DSCAM: variants seen among roughly 807,000 people sequenced by gnomAD.
DSCAM encodes the protein DS cell adhesion molecule.
In DSCAM, 47 loss-of-function variants were observed where a neutral mutation model predicts 217.7. That is an observed-to-expected ratio of 0.22 (90% CI 0.17 to 0.28). DSCAM has a LOEUF of 0.28. Ranked by LOEUF, DSCAM falls within the 10% of genes least tolerant of loss-of-function variation. DSCAM has a pLI of 1.00. For synonymous variants in DSCAM, 1,056 were observed against 1,015.3 expected (o/e 1.04, Z -0.76); for missense variants, 2,080 against 2,618.3 (o/e 0.79, Z 4.49).
At chr21:40,636,102 T>C (rs902853003) in intron 3 of DSCAM, among the ~76,000 whole-genome samples, 13 of 152,298 alleles carry the variant, frequency 8.5e-5, no homozygotes, top group African/African-American at 2.9e-4. Context: ...ATTATGCAAA[T>C]GCTCATTTCA....
At chr21:40,827,200 G>C (rs182306125) in intron 1 of DSCAM, among the ~76,000 whole-genome samples, 2 of 152,296 alleles carry the variant, frequency 1.3e-5, no homozygotes, top group East Asian at 3.9e-4. Flanking sequence ...GTGATCTGTT[G>C]TGTCACAGCT....
intron 1 of DSCAM, among the ~76,000 whole-genome samples, chr21:40,819,803 G>A (rs1227450603): frequency 6.6e-6 from 1 of 152,140 alleles, no homozygotes; most frequent in African/African-American, 2.4e-5. Flanking sequence ...CCTCATTAAA[G>A]AAGTCAATTT....
At chr21:40,554,743 A>C (rs2076657769) in intron 3 of DSCAM, among the ~76,000 whole-genome samples, 2 of 152,196 alleles carry the variant, frequency 1.3e-5, no homozygotes, top group Admixed American at 6.6e-5. Context: ...CTATATGTAA[A>C]ATATAAAATG....
intron 11 of DSCAM, among the ~76,000 whole-genome samples, chr21:40,241,573 G>A (rs2073153549): frequency 6.6e-6 from 1 of 152,130 alleles, no homozygotes; most frequent in Non-Finnish European, 1.5e-5. Flanking sequence ...ATTGTGGAAA[G>A]CAATATGGTA....
intron 3 of DSCAM, among the ~76,000 whole-genome samples, chr21:40,653,579 C>G (rs2090040145): frequency 6.6e-6 from 1 of 152,198 alleles, no homozygotes; most frequent in Non-Finnish European, 1.5e-5. Context: ...AGGCCACACC[C>G]TCTCTACTTG....
chr21:40,307,675 G>C (rs1361486903), intron 9 of DSCAM, among the ~76,000 whole-genome samples: 1 of 151,958 alleles, frequency 6.6e-6, no homozygotes, highest in Non-Finnish European at 1.5e-5. Context: ...AAAGACTTGG[G>C]ACCAACCCAA....
At chr21:40,771,232 C>T (rs886166291) in intron 1 of DSCAM, among the ~76,000 whole-genome samples, 3 of 152,158 alleles carry the variant, frequency 2.0e-5, no homozygotes, top group Non-Finnish European at 4.4e-5. Flanking sequence ...CCATGCTGCC[C>T]ATTTTACCAG....
intron 2 of DSCAM, among the ~76,000 whole-genome samples, chr21:40,702,895 T>G (rs1236091895): frequency 6.6e-6 from 1 of 152,216 alleles, no homozygotes; most frequent in Non-Finnish European, 1.5e-5. Context: ...CCTCCAATAT[T>G]ACACTCCCAT....
intron 3 of DSCAM, among the ~76,000 whole-genome samples, chr21:40,378,170 G>C (rs2074981707): frequency 6.6e-6 from 1 of 152,126 alleles, no homozygotes; most frequent in South Asian, 2.1e-4. Flanking sequence ...ACTTAATATT[G>C]CAAAAATGTC....
chr21:40,718,950 A>AC (rs35047633), intron 1 of DSCAM, among the ~76,000 whole-genome samples: 13,342 of 151,876 alleles, frequency 0.088, 662 homozygotes, highest in African/African-American at 0.13. Flanking sequence ...ACATAGCAAG[A>AC]CTCTCTCTAC....
At chr21:40,296,282 G>A in intron 9 of DSCAM, 108 bp from the exon 10 acceptor site, 1 of 1,296,482 alleles carries the variant, frequency 7.7e-7, no homozygotes, top group Non-Finnish European at 1.1e-6. Flanking sequence ...TATGAAGACT[G>A]TTTCATACAC....
chr21:40,754,116 C>T (rs542463177), intron 1 of DSCAM, among the ~76,000 whole-genome samples: 4 of 152,318 alleles, frequency 2.6e-5, no homozygotes, highest in South Asian at 4.1e-4. Flanking sequence ...GCTCAGACTC[C>T]GCTGTGGGGA....
chr21:40,241,675 T>C (rs2073154976), intron 11 of DSCAM, among the ~76,000 whole-genome samples: 1 of 152,212 alleles, frequency 6.6e-6, no homozygotes, highest in South Asian at 2.1e-4. Context: ...TAAATCATTC[T>C]ACCATAAAGA....
intron 8 of DSCAM, among the ~76,000 whole-genome samples, chr21:40,319,631 T>C (rs886649777): frequency 6.6e-6 from 1 of 152,150 alleles, no homozygotes; most frequent in African/African-American, 2.4e-5. Context: ...ATTATATAAA[T>C]TTTTTTAGGA....
rs5844044 is a variant in DSCAM, at chr21:40,821,137, C to CATATATATATATATATATATCTTCACAT, written c.43+25481_43+25482insATGTGAAGATATATATATATATATATAT. Among the ~76,000 whole-genome samples, 2 of 138,266 alleles carry CATATATATATATATATATATCTTCACAT rather than the reference C, an allele frequency of 1.4e-5. 1 individual carries two copies. The highest frequency in any genetic ancestry group is 3.1e-5 in the Non-Finnish European group (2 of 64,746). 90.7% of individuals were successfully genotyped at this position (138,266 alleles called of 152,430 possible). On this transcript the variant is annotated intron_variant, in intron 1 of 32. Transcript: ENST00000400454. The stretch of plus-strand genomic sequence containing the variant: ...ATATATATAGATATATATATCTTCA[C>CATATATATATATATATATATCTTCACAT]ATATATATATATACACACTCTAATT...
chr21:40,485,726 T>C (rs1458927653), intron 3 of DSCAM, among the ~76,000 whole-genome samples: 2 of 152,142 alleles, frequency 1.3e-5, no homozygotes, highest in Non-Finnish European at 2.9e-5. Flanking sequence ...TATTTCTATT[T>C]GTTATTTAAC....
intron 3 of DSCAM, among the ~76,000 whole-genome samples, chr21:40,623,042 G>A (rs1056608170): frequency 3.3e-5 from 5 of 152,010 alleles, no homozygotes; most frequent in African/African-American, 9.7e-5. Flanking sequence ...GGAAGCTGCC[G>A]CTACCCACAA....
At chr21:40,059,406 T>C (rs908440902) in intron 28 of DSCAM, among the ~76,000 whole-genome samples, 3 of 152,182 alleles carry the variant, frequency 2.0e-5, no homozygotes, top group African/African-American at 7.2e-5. Context: ...TGTCTGGGTG[T>C]GAGGGATGCA....
chr21:40,577,525 A>G (rs1233913433), intron 3 of DSCAM, among the ~76,000 whole-genome samples: 1 of 152,096 alleles, frequency 6.6e-6, no homozygotes, highest in Non-Finnish European at 1.5e-5. Flanking sequence ...AGTGGCGTTA[A>G]TATCTTGCTG....
Sources: gnomAD v4.1 joint callset for allele counts (sites outside exome capture counted in the v4.1 genomes callset) on GRCh38, gnomAD v4.1.1 for gene constraint, MANE v1.5 for transcripts, NCBI Gene and HGNC (gene_info 2026-07-23, HGNC 2026-07-21) for gene names.